The following IL12A variants were observed in gnomAD, a reference collection of about 807,000 sequenced individuals.
IL12A encodes the protein interleukin 12A, also known as interleukin-12 subunit alpha.
Under a neutral mutation model 23.5 loss-of-function variants are expected in IL12A, and 16 were observed. The ratio of observed to expected loss-of-function variants is 0.68; its 90% confidence interval spans 0.46 to 1.03. The LOEUF (loss-of-function observed/expected upper bound fraction) is 1.03, where lower values mean the gene tolerates loss of function less well. Among genes scored for constraint, IL12A ranks in the 50% least tolerant of loss-of-function variants. IL12A has a pLI of 0.00. For synonymous variants in IL12A, 106 were observed against 111.5 expected, an observed-to-expected ratio of 0.95 and a Z score of 0.31; for missense variants, 275 against 307.0, an observed-to-expected ratio of 0.90 and a Z score of 0.78.
intron 6 of IL12A, 94 bp from the exon 7 acceptor site, chr3:159,995,310 G>T (rs1720458285): frequency 5.3e-6 from 5 of 950,192 alleles, no homozygotes; most frequent in Non-Finnish European, 6.2e-6. Context: ...TGAGTTGCAG[G>T]CTCTGAGACA....
At position 159,993,895 on chromosome 3, in the gene IL12A, C is replaced by T. The variant is rs754648444; in HGVS notation, c.606+51C>T. The T allele has an allele frequency of 3.9e-5, 62 of 1,581,156 alleles. 2 individuals are homozygous for T. In the South Asian group the frequency reaches 6.7e-4, roughly 17 times the overall value. ...GCACCTTTTTCATGCTAAAGATAAC[C>T]AGCCAGGGTCTTTGATAAAGAGATA... On this transcript the variant is annotated intron_variant, in intron 6 of 6. Transcript: ENST00000305579.
rs1042155 is a variant in IL12A at position 159,995,537 on chromosome 3, T to C, written c.740T>C (p.Met247Thr). 6.2e-7 allele frequency: 1 copy of C among 1,601,038 alleles called. No individual in the cohort carries two copies. Among genetic ancestry groups the C allele is most frequent in the Non-Finnish European group, 8.5e-7 (1 of 1,174,670 alleles). The change falls in exon 7 of 7, where the codon ATG (methionine) becomes ACG (threonine). Residue 247 changes from methionine to threonine, a missense_variant. By Grantham distance (81) the Met-to-Thr change is moderately conservative (BLOSUM62 -1). Transcript: ENST00000305579. The stretch of plus-strand genomic sequence containing the variant: ...CGGGCAGTGACTATTGATAGAGTGA[T>C]GAGCTATCTGAATGCTTCCTAAAAA...
intron 2 of IL12A, among the ~76,000 whole-genome samples, chr3:159,991,395 T>C (rs1720304925): frequency 6.6e-6 from 1 of 152,226 alleles, no homozygotes; most frequent in Admixed American, 6.5e-5. Flanking sequence ...TTGTAGAATT[T>C]GGGCTATATG....
intron 6 of IL12A, among the ~76,000 whole-genome samples, chr3:159,995,155 A>T (rs1161899892): frequency 6.6e-6 from 1 of 152,174 alleles, no homozygotes; most frequent in East Asian, 1.9e-4. Flanking sequence ...ACTCCCACTG[A>T]TGATTTTTTC....
chr3:159,989,678 G>A (rs1306460014), intron 1 of IL12A, among the ~76,000 whole-genome samples: 1 of 152,160 alleles, frequency 6.6e-6, no homozygotes, highest in Non-Finnish European at 1.5e-5. Context: ...ATCTACTCGG[G>A]AGTCTAAGGC....
Position 159,993,749 on chromosome 3 carries a change from G to T in IL12A, c.511G>T (p.Glu171Ter). 6.2e-7 allele frequency: 1 copy of T among 1,614,070 alleles called. No individual in the cohort carries two copies. ...TGAAGACTTGAAGATGTACCAGGTGGAGTTCAAGACCATGAATGCAAAGCT... is the reference window on the plus strand; with the variant it reads ...TGAAGACTTGAAGATGTACCAGGTGTAGTTCAAGACCATGAATGCAAAGCT... The change falls in exon 6 of 7, where the codon GAG (glutamate) becomes TAG (stop). Residue 171 changes from glutamate to a stop codon, truncating the protein, a stop_gained. Transcript: ENST00000305579. LOFTEE classifies it high-confidence loss of function.
chr3:159,995,291 A>C (rs536763080), intron 6 of IL12A, 113 bp from the exon 7 acceptor site: 84,423 of 752,256 alleles, frequency 0.11, 5,832 homozygotes, highest in Non-Finnish European at 0.14. Context: ...TAGGAGTGGC[A>C]TAAGGGACTG....
Position 159,988,870 on chromosome 3 carries a change from G to A in IL12A, c.-187G>A, listed in dbSNP as rs1003904665. 1 of 593,576 alleles carries A rather than the reference G, an allele frequency of 1.7e-6. No homozygotes were observed. The highest frequency in any genetic ancestry group is 1.9e-5 in the African/African-American group (1 of 52,154). The allele number at this position is 593,576 out of a possible 1,614,324, so 36.8% of individuals were successfully genotyped here. ...CATTTTGGGCCGAGCTGGAGGCGGC[G>A]GGGCCGTCCCGGAACGGCTGCGGCC... On this transcript the variant is annotated 5_prime_UTR_variant, in exon 1 of 7. Coordinates refer to ENST00000305579, the MANE Select transcript of IL12A (RefSeq NM_000882.4).
At chr3:159,992,576 G>T (rs567492698) in intron 2 of IL12A, among the ~76,000 whole-genome samples, 1 of 152,290 alleles carries the variant, frequency 6.6e-6, no homozygotes, top group East Asian at 1.9e-4. Context: ...CTTGTCTTAA[G>T]GGTTTGCATG....
chr3:159,993,618 C>T lies in IL12A; in HGVS notation c.462+9C>T, dbSNP rs752574623. ...AGACCTCTTTTATGATGGTAAGACA[C>T]ACAGCTCTTTCCTCAAATGCAATGG... On this transcript the variant is annotated intron_variant, in intron 5 of 6. Coordinates refer to ENST00000305579, the MANE Select transcript of IL12A (RefSeq NM_000882.4). 1.2e-6 allele frequency: 2 copies of T among 1,614,070 alleles called. No homozygotes were observed. The highest frequency in any genetic ancestry group is 8.5e-7 in the Non-Finnish European group (1 of 1,179,934).
chr3:159,992,190 A>T (rs1397327393), intron 2 of IL12A, among the ~76,000 whole-genome samples: 1 of 151,790 alleles, frequency 6.6e-6, no homozygotes, highest in African/African-American at 2.4e-5. Flanking sequence ...TCGACACTTT[A>T]CTCCTCTTAA....
In IL12A at chr3:159,993,380, T is replaced by A. The variant is rs1386669083; in HGVS notation, c.379-71T>A. 11 of 1,215,686 alleles carry A rather than the reference T, an allele frequency of 9.0e-6. No homozygotes were observed. In the Admixed American group the frequency reaches 1.2e-4, roughly 13 times the overall value. 75.3% of individuals were successfully genotyped at this position (1,215,686 alleles called of 1,614,324 possible). A position where few individuals can be genotyped will look rare whatever the true frequency, so the allele number is the denominator to read the frequency against. On this transcript the variant is annotated intron_variant, in intron 3 of 6. Coordinates refer to ENST00000305579, the MANE Select transcript of IL12A (RefSeq NM_000882.4). ...TGTGTTTTTACCATAATAAAAAAAA[T>A]TTGAGACCTGAAGAGTCAGAAAGAT...
intron 2 of IL12A, among the ~76,000 whole-genome samples, chr3:159,990,844 A>AT: frequency 6.6e-6 from 1 of 152,160 alleles, no homozygotes; most frequent in East Asian, 1.9e-4. Flanking sequence ...GAGTTACCTA[A>AT]TTTTATTTAC....
intron 1 of IL12A, 32 bp downstream of exon 1, chr3:159,989,206 G>A (rs1408867749): frequency 1.9e-6 from 3 of 1,568,922 alleles, no homozygotes; most frequent in Admixed American, 1.7e-5. Flanking sequence ...TCTTTGGCTC[G>A]CTCGGGTGCG....
chr3:159,990,326 G>T lies in IL12A; in HGVS notation c.264+14G>T. ...ATGCTCCAGAAGGTGAGCCTTTCCT[G>T]TCCTCTCCACTGTGGACCTGCACCC... is the stretch of plus-strand genomic sequence containing the variant. On this transcript the variant is annotated intron_variant, in intron 2 of 6. Coordinates refer to ENST00000305579, the MANE Select transcript of IL12A (RefSeq NM_000882.4). 6.2e-7 allele frequency: 1 copy of T among 1,613,810 alleles called. No homozygotes were observed. Among genetic ancestry groups the T allele is most frequent in the Non-Finnish European group, 8.5e-7 (1 of 1,179,846 alleles).
rs1313364228 is a variant in IL12A, at chr3:159,989,109, C to T, written c.53C>T (p.Thr18Ile). Residue 18 changes from threonine (T) to isoleucine (I), a missense_variant, in exon 1 of 7, where the codon ACA (threonine) becomes ATA (isoleucine). By Grantham distance (89) the Thr-to-Ile change is moderately conservative (BLOSUM62 -1). Transcript: ENST00000305579. ...CCACCGCCCTCACCTGCCGCGGCCA[C>T]AGGTCTGCATCCAGCGGCTCGCCCT... 2 of 1,613,284 alleles carry T rather than the reference C, an allele frequency of 1.2e-6. No homozygotes were observed. The highest frequency in any genetic ancestry group is 2.2e-5 in the South Asian group (2 of 90,944).
rs1231265687 is a variant in IL12A, at chr3:159,990,243, C to T, written c.195C>T (p.Asp65=). Residue 65 remains aspartate, a synonymous_variant, in exon 2 of 7, where the codon GAC becomes GAT. Transcript: ENST00000305579. ...GAAACCTCCCCGTGGCCACTCCAGA[C>T]CCAGGAATGTTCCCATGCCTTCACC... 6.2e-7 allele frequency: 1 copy of T among 1,614,048 alleles called. No homozygotes were observed. Among genetic ancestry groups the T allele is most frequent in the Admixed American group, 1.7e-5 (1 of 60,004 alleles).
At position 159,993,449 on chromosome 3, in the gene IL12A, A is replaced by G. The variant is rs567430718; in HGVS notation, c.379-2A>G. 1.2e-6 allele frequency: 2 copies of G among 1,607,228 alleles called. No individual in the cohort carries two copies. Among genetic ancestry groups the G allele is most frequent in the South Asian group, 1.1e-5 (1 of 90,802 alleles). ...CTTTGATATATGATTTTTTCCCTCT[A>G]GAATGAGAGTTGCCTAAATTCCAGA... On this transcript the variant is annotated splice_acceptor_variant, in intron 3 of 6. Coordinates refer to ENST00000305579, the MANE Select transcript of IL12A (RefSeq NM_000882.4). LOFTEE classifies it high-confidence loss of function.
intron 3 of IL12A, 116 bp downstream of exon 3, chr3:159,993,241 C>T (rs913069811): frequency 8.0e-6 from 6 of 747,516 alleles, no homozygotes; most frequent in Middle Eastern, 2.9e-4. Flanking sequence ...TTTAACTGGT[C>T]CTACTTCAGA....
Sources: allele counts gnomAD v4.1 joint callset (sites outside exome capture counted in the v4.1 genomes callset), GRCh38; gene constraint gnomAD v4.1.1; transcripts MANE v1.5; gene names NCBI Gene and HGNC (gene_info 2026-07-23, HGNC 2026-07-21).